PACSIN1: variants seen among roughly 807,000 people sequenced by gnomAD.
PACSIN1 encodes protein kinase C and casein kinase substrate in neurons protein 1.
A neutral mutation model predicts 59.5 loss-of-function variants in PACSIN1; 15 were observed. That is an observed-to-expected ratio of 0.25 (90% CI 0.17 to 0.39). The LOEUF (loss-of-function observed/expected upper bound fraction) is 0.39, where lower values mean the gene tolerates loss of function less well. Among genes scored for constraint, PACSIN1 ranks in the 10% least tolerant of loss-of-function variants. PACSIN1 has a pLI of 1.00. For synonymous variants in PACSIN1, 210 were observed against 220.6 expected (o/e 0.95, Z 0.42); for missense variants, 420 against 580.2 (o/e 0.72, Z 2.84).
At chr6:34,504,719 ATTCCTTCTTGTATCT>A (rs1767083103) in intron 1 of PACSIN1, among the ~76,000 whole-genome samples, 1 of 151,910 alleles carries the variant, frequency 6.6e-6, no homozygotes, top group South Asian at 2.1e-4. Flanking sequence ...TTCCAGGAGG[ATTCCTTCTTGTATCT>A]TTCCTTTCGG....
intron 1 of PACSIN1, among the ~76,000 whole-genome samples, chr6:34,501,146 G>C (rs1034052974): frequency 6.6e-6 from 1 of 152,158 alleles, no homozygotes; most frequent in Non-Finnish European, 1.5e-5. Context: ...TTTCCTTCAA[G>C]AACTTTTTCT....
Position 34,526,335 on chromosome 6 carries a change from G to C in PACSIN1, c.30G>C (p.Leu10=). ...CCAGCTCCTACGATGAGGCCTCACT[G>C]GCGCCAGAGGAGACCACCGACAGCT... MSSSYDEAS[L]APEETTDSFW... is the part of the protein sequence containing the mutation. The change falls in exon 2 of 10, where the codon CTG becomes CTC. Residue 10 remains leucine, a synonymous_variant. Coordinates refer to ENST00000244458, the MANE Select transcript of PACSIN1 (RefSeq NM_020804.5). 1 of 1,612,174 alleles carries C rather than the reference G, an allele frequency of 6.2e-7. No homozygotes were observed. Among genetic ancestry groups the C allele is most frequent in the South Asian group, 1.1e-5 (1 of 91,054 alleles).
At chr6:34,481,726 C>T (rs945069291) in intron 1 of PACSIN1, among the ~76,000 whole-genome samples, 3 of 151,916 alleles carry the variant, frequency 2.0e-5, no homozygotes, top group Admixed American at 2.0e-4. Flanking sequence ...AGATGTTCTA[C>T]GTTCCTCAGA....
intron 1 of PACSIN1, among the ~76,000 whole-genome samples, chr6:34,487,556 A>G (rs1240873680): frequency 6.6e-6 from 1 of 152,140 alleles, no homozygotes; most frequent in African/African-American, 2.4e-5. Context: ...TGCTCTCGGA[A>G]TCAACAGGAT....
At chr6:34,487,030 C>T (rs898134345) in intron 1 of PACSIN1, among the ~76,000 whole-genome samples, 3 of 142,202 alleles carry the variant, frequency 2.1e-5, no homozygotes, top group Admixed American at 7.0e-5. Context: ...ATTAGGTGGC[C>T]GTGGTCGTGC....
At chr6:34,489,790 C>A (rs981522484) in intron 1 of PACSIN1, among the ~76,000 whole-genome samples, 2 of 152,216 alleles carry the variant, frequency 1.3e-5, no homozygotes, top group Admixed American at 6.5e-5. Flanking sequence ...TCCATGTGGA[C>A]CCTATGTCTG....
rs1199538944 is a variant in PACSIN1, at chr6:34,518,482, T to G, written c.-63-7761T>G. On this transcript the variant is annotated intron_variant, in intron 1 of 9. Coordinates refer to ENST00000244458, the MANE Select transcript of PACSIN1 (RefSeq NM_020804.5). The surrounding 1 kb of genome is among the most constrained non-coding windows in gnomAD (Gnocchi z 4.4). The stretch of plus-strand genomic sequence containing the variant: ...GCCTCCCCATCTGTGGGCATCTCAC[T>G]TTGGGCTCCCCGAGAAGCCAACCCC... Among the ~76,000 whole-genome samples the G allele has an allele frequency of 1.3e-5, 2 of 152,138 alleles. No homozygotes were observed. Among genetic ancestry groups the G allele is most frequent in the Non-Finnish European group, 2.9e-5 (2 of 68,014 alleles).
At chr6:34,470,146 G>A (rs1766550901) in intron 1 of PACSIN1, among the ~76,000 whole-genome samples, 1 of 152,056 alleles carries the variant, frequency 6.6e-6, no homozygotes, top group Non-Finnish European at 1.5e-5. Flanking sequence ...CAGGATACCT[G>A]AAAACTGGGA....
intron 1 of PACSIN1, among the ~76,000 whole-genome samples, chr6:34,478,639 G>A (rs1766674680): frequency 6.6e-6 from 1 of 152,118 alleles, no homozygotes; most frequent in African/African-American, 2.4e-5. Context: ...CCGAAGTGCT[G>A]GGATTACAGG....
Position 34,533,006 on chromosome 6 carries a change from G to C in PACSIN1, c.*476G>C, listed in dbSNP as rs1767630269. ...GGCCTCCTCTCCAGACCCCTGGAAGGGAGGCTTCCCCATCTTTAGTTTTCC... is the reference window on the plus strand; with the variant it reads ...GGCCTCCTCTCCAGACCCCTGGAAGCGAGGCTTCCCCATCTTTAGTTTTCC... On this transcript the variant is annotated 3_prime_UTR_variant, in exon 10 of 10. Transcript: ENST00000244458. The C allele has an allele frequency of 6.5e-6, 1 of 153,750 alleles. No individual in the cohort carries two copies. 9.5% of individuals were successfully genotyped at this position (153,750 alleles called of 1,614,324 possible). A position where few individuals can be genotyped will look rare whatever the true frequency, so the allele number is the denominator to read the frequency against.
chr6:34,526,497 G>A (rs1767484353), intron 2 of PACSIN1, 129 bp downstream of exon 2: 5 of 702,986 alleles, frequency 7.1e-6, no homozygotes, highest in Non-Finnish European at 1.2e-5. Context: ...CAAAGCCCTG[G>A]GTGTCCAACA....
In PACSIN1 at chr6:34,488,619, C is replaced by T. The variant is rs1766827522; in HGVS notation, c.-64+22349C>T. Among the ~76,000 whole-genome samples the T allele has an allele frequency of 1.3e-5, 2 of 152,132 alleles. No individual in the cohort carries two copies. The highest frequency in any genetic ancestry group is 1.5e-5 in the Non-Finnish European group (1 of 68,022). On this transcript the variant is annotated intron_variant, in intron 1 of 9. Coordinates refer to ENST00000244458, the MANE Select transcript of PACSIN1 (RefSeq NM_020804.5). The surrounding 1 kb of genome is among the most constrained non-coding windows in gnomAD (Gnocchi z 4.7). The stretch of plus-strand genomic sequence containing the variant: ...GTTCTTAGATGCATGTATTCTAGTC[C>T]CATTAGGGACTCAGCACCATACAGT...
rs572918705 is a variant in PACSIN1, at chr6:34,467,786, G to A, written c.-64+1516G>A. 2.5e-4 allele frequency among the ~76,000 whole-genome samples: 38 copies of A among 152,262 alleles called. No individual in the cohort carries two copies. The South Asian group carries it at 7.7e-3, about 31-fold the overall frequency. Reference sequence around the variant, plus strand: ...TTGGTCAGGCTGGTCTCGAACTCCTGACCTCAGGTGATCTGCCCACCTTGG... The same window carrying A: ...TTGGTCAGGCTGGTCTCGAACTCCTAACCTCAGGTGATCTGCCCACCTTGG... On this transcript the variant is annotated intron_variant, in intron 1 of 9. Coordinates refer to ENST00000244458, the MANE Select transcript of PACSIN1 (RefSeq NM_020804.5).
intron 1 of PACSIN1, among the ~76,000 whole-genome samples, chr6:34,507,967 T>C (rs1364785372): frequency 1.3e-5 from 2 of 152,272 alleles, no homozygotes; most frequent in African/African-American, 4.8e-5. Flanking sequence ...ATATTTAGAT[T>C]GTTTCCACAT....
Position 34,528,891 on chromosome 6 carries a change from GC to G in PACSIN1, c.456+15del. ...AAGATGAAGGAGGTGCTCAGTGGGT[GC>G]TGCCACGGGCGGGGTGGGGTGGGCC... is the stretch of plus-strand genomic sequence containing the variant. On this transcript the variant is annotated intron_variant, in intron 4 of 9. Coordinates refer to ENST00000244458, the MANE Select transcript of PACSIN1 (RefSeq NM_020804.5). 6.7e-7 allele frequency: 1 copy of G among 1,491,976 alleles called. No homozygotes were observed. The highest frequency in any genetic ancestry group is 9.2e-7 in the Non-Finnish European group (1 of 1,081,238). The allele number at this position is 1,491,976 out of a possible 1,614,324, so 92.4% of individuals were successfully genotyped here.
At chr6:34,497,169 C>T (rs555989912) in intron 1 of PACSIN1, among the ~76,000 whole-genome samples, 4 of 151,992 alleles carry the variant, frequency 2.6e-5, no homozygotes, top group Admixed American at 1.3e-4. Flanking sequence ...AGGCTGGTTT[C>T]GAACTCCTGA....
At chr6:34,520,327 G>A (rs774319600) in intron 1 of PACSIN1, among the ~76,000 whole-genome samples, 2 of 152,208 alleles carry the variant, frequency 1.3e-5, no homozygotes, top group Non-Finnish European at 2.9e-5. Flanking sequence ...AATATTTGTA[G>A]GACCTGAGAC....
At chr6:34,473,224 C>CG (rs1222809315) in intron 1 of PACSIN1, among the ~76,000 whole-genome samples, 1 of 99,360 alleles carries the variant, frequency 1.0e-5, no homozygotes, top group Non-Finnish European at 1.9e-5. Context: ...AGAGACGGGG[C>CG]GGGGGGCGGG....
intron 1 of PACSIN1, among the ~76,000 whole-genome samples, chr6:34,485,553 G>A (rs888356848): frequency 3.3e-5 from 5 of 152,226 alleles, no homozygotes; most frequent in African/African-American, 1.2e-4. Context: ...CAGCGTTGGA[G>A]CAGGCTAGGG....
Sources: allele counts gnomAD v4.1 joint callset (sites outside exome capture counted in the v4.1 genomes callset), GRCh38; gene constraint gnomAD v4.1.1; non-coding constraint Gnocchi (gnomAD v3.1); transcripts MANE v1.5; gene names NCBI Gene and HGNC (gene_info 2026-07-23, HGNC 2026-07-21).